Variants in TUSC3 observed in about 807,000 individuals in gnomAD.
TUSC3 encodes the protein dolichyl-diphosphooligosaccharide--protein glycosyltransferase subunit TUSC3.
In TUSC3, 45 loss-of-function variants were observed where a neutral mutation model predicts 44.8. The observed-to-expected ratio is 1.00, with a 90% CI of 0.79 to 1.29. The LOEUF is 1.29. Among genes scored for constraint, TUSC3 ranks in the 50% most tolerant of loss-of-function variants. The probability of loss-of-function intolerance (pLI) is 0.00; values close to 1 mark genes in which losing one functional copy is unlikely to be tolerated. For missense variants in TUSC3, 519 were observed against 437.9 expected (o/e 1.19, Z -1.65); for synonymous variants, 212 against 152.9 (o/e 1.39, Z -2.85).
downstream of TUSC3, among the ~76,000 whole-genome samples, chr8:15,769,321 A>G (rs560565104): frequency 2.6e-5 from 4 of 152,324 alleles, no homozygotes; most frequent in African/African-American, 7.2e-5. Context: ...GACAAAAACA[A>G]TGGGGAAAGG....
At chr8:15,458,227 T>A (rs1016149931) in intron 1 of TUSC3, among the ~76,000 whole-genome samples, 1 of 152,186 alleles carries the variant, frequency 6.6e-6, no homozygotes, top group African/African-American at 2.4e-5. Context: ...ATAAAGTGCT[T>A]ACATATGCTT....
the TUSC3 span, among the ~76,000 whole-genome samples, chr8:15,836,792 A>G: frequency 6.6e-6 from 1 of 152,136 alleles, no homozygotes; most frequent in Non-Finnish European, 1.5e-5. Flanking sequence ...ACTTTAAATG[A>G]TATGCTTTTA....
At chr8:15,748,297 A>C in intron 8 of TUSC3, 78 bp from the exon 9 acceptor site, 18 of 1,052,740 alleles carry the variant, frequency 1.7e-5, no homozygotes, top group Non-Finnish European at 2.5e-5. Context: ...CTGTAATTGA[A>C]TGCATTTAAA....
intron 1 of TUSC3, among the ~76,000 whole-genome samples, chr8:15,544,599 T>A (rs1157655019): frequency 6.6e-6 from 1 of 151,842 alleles, no homozygotes; most frequent in Non-Finnish European, 1.5e-5. Context: ...CATTTTATAT[T>A]GGGATGTATA....
At chr8:15,728,611 A>C (rs535686701) in intron 6 of TUSC3, among the ~76,000 whole-genome samples, 4 of 152,330 alleles carry the variant, frequency 2.6e-5, no homozygotes, top group Admixed American at 2.6e-4. Flanking sequence ...AGAATGGGAC[A>C]GAAGCAGGTG....
At chr8:15,768,103 A>T (rs528427091), downstream of TUSC3, among the ~76,000 whole-genome samples, 6 of 152,262 alleles carry the variant, frequency 3.9e-5, no homozygotes, top group South Asian at 1.0e-3. Flanking sequence ...GTGTTGAAAG[A>T]GTTCCCCAAT....
chr8:15,777,497 A>T, the TUSC3 span, among the ~76,000 whole-genome samples: 1 of 152,154 alleles, frequency 6.6e-6, no homozygotes, highest in Non-Finnish European at 1.5e-5. Flanking sequence ...ATATAATTCA[A>T]ATTTTCACTG....
chr8:15,515,428 C>T (rs1298807856), intron 2 of TUSC3, among the ~76,000 whole-genome samples: 3 of 152,208 alleles, frequency 2.0e-5, no homozygotes, highest in Admixed American at 2.0e-4. Context: ...GTGCATTTTA[C>T]TCACATTTTT....
the TUSC3 span, among the ~76,000 whole-genome samples, chr8:15,847,555 C>T: frequency 5.3e-3 from 814 of 152,198 alleles, 3 homozygotes; most frequent in African/African-American, 0.019. Context: ...TCTCTGCCCC[C>T]CTCTCAAATG....
At chr8:15,420,210 T>C (rs1355236931) in intron 1 of TUSC3, among the ~76,000 whole-genome samples, 1 of 152,062 alleles carries the variant, frequency 6.6e-6, no homozygotes, top group Non-Finnish European at 1.5e-5. Flanking sequence ...ATAAGAGTTC[T>C]ATGTGGCCAG....
rs1035972 is a variant in TUSC3 at position 15,650,691 on chromosome 8, T to C, written c.309-6T>C. On this transcript the variant is annotated splice_region_variant and splice_polypyrimidine_tract_variant and intron_variant, in intron 2 of 10. Transcript: ENST00000503731. ...TGTTTCTACTATGGCCCATTATTCT[T>C]ATCAGGCAAGCTAATGAAGAATATC... 564,398 of 1,612,634 alleles carry C rather than the reference T, an allele frequency of 0.35. 101,365 individuals are homozygous for C. The highest frequency in any genetic ancestry group is 0.39 in the East Asian group (17,504 of 44,840).
intron 2 of TUSC3, among the ~76,000 whole-genome samples, chr8:15,633,603 C>T (rs1245019474): frequency 2.0e-5 from 3 of 152,058 alleles, no homozygotes; most frequent in Non-Finnish European, 1.5e-5. Flanking sequence ...TTACTAAATT[C>T]TATTTTATTG....
intron 10 of TUSC3, among the ~76,000 whole-genome samples, chr8:15,760,219 T>C (rs1177498386): frequency 2.0e-5 from 3 of 152,076 alleles, no homozygotes; most frequent in African/African-American, 4.8e-5. Flanking sequence ...GTAAGCAAAA[T>C]GAAGAAAATA....
chr8:15,426,890 A>G lies in TUSC3; in HGVS notation n.91+9585A>G, dbSNP rs146678581. Among the ~76,000 whole-genome samples, 1,300 of 152,290 alleles carry G rather than the reference A, an allele frequency of 8.5e-3. 19 individuals are homozygous for G. Among genetic ancestry groups the G allele is most frequent in the African/African-American group, 0.029 (1,223 of 41,558 alleles). On this transcript the variant is annotated intron_variant and non_coding_transcript_variant, in intron 1 of 5. Coordinates refer to the TUSC3 transcript ENST00000503191. Reference sequence around the variant, plus strand: ...GTTCCACATTTTCTACATCCTTTCAAATACACTATTAGCCATCCTAACAGG... The same window carrying G: ...GTTCCACATTTTCTACATCCTTTCAGATACACTATTAGCCATCCTAACAGG...
chr8:15,829,361 C>A, the TUSC3 span, among the ~76,000 whole-genome samples: 1 of 152,160 alleles, frequency 6.6e-6, no homozygotes, highest in African/African-American at 2.4e-5. Flanking sequence ...TGTCAAATTG[C>A]CTTGCAAAGT....
intron 2 of TUSC3, 88 bp downstream of exon 2, chr8:15,623,337 A>C: frequency 7.7e-7 from 1 of 1,305,638 alleles, no homozygotes; most frequent in Non-Finnish European, 1.0e-6. Flanking sequence ...AATATATGTA[A>C]GATAAACAGT....
chr8:15,840,741 A>G, the TUSC3 span, among the ~76,000 whole-genome samples: 2 of 152,286 alleles, frequency 1.3e-5, no homozygotes, highest in East Asian at 1.9e-4. Context: ...TTGTGCTTAT[A>G]ATTTTTATCC....
the TUSC3 span, among the ~76,000 whole-genome samples, chr8:15,836,531 G>T: frequency 6.6e-6 from 1 of 151,392 alleles, no homozygotes; most frequent in South Asian, 2.1e-4. Context: ...TAAAATACAT[G>T]GTTCTCTGTC....
intron 2 of TUSC3, among the ~76,000 whole-genome samples, chr8:15,503,644 C>A (rs1007595128): frequency 6.6e-6 from 1 of 152,052 alleles, no homozygotes; most frequent in Non-Finnish European, 1.5e-5. Flanking sequence ...TTCGAGGTTG[C>A]AGTAAGCTAC....
Sources: gnomAD v4.1 joint callset for allele counts (sites outside exome capture counted in the v4.1 genomes callset) on GRCh38, gnomAD v4.1.1 for gene constraint, MANE v1.5 for transcripts, NCBI Gene and HGNC (gene_info 2026-07-23, HGNC 2026-07-21) for gene names.